ETV7: variants seen among roughly 807,000 people sequenced by gnomAD.
The protein encoded by ETV7 is ETS variant transcription factor 7, also known as transcription factor ETV7.
ETV7 carries 43 observed loss-of-function variants against 39.1 expected under a neutral mutation model. The observed-to-expected ratio is 1.10, with a 90% CI of 0.86 to 1.42. ETV7 has a LOEUF of 1.42. Ranked by LOEUF, ETV7 falls within the 40% of genes most tolerant of loss-of-function variation. The probability of loss-of-function intolerance (pLI) is 0.00; values close to 1 mark genes in which losing one functional copy is unlikely to be tolerated. For missense variants in ETV7, 432 were observed against 442.3 expected (o/e 0.98, Z 0.21); for synonymous variants, 196 against 176.6 (o/e 1.11, Z -0.87).
chr6:36,363,112 G>A (rs1014485107), downstream of ETV7, among the ~76,000 whole-genome samples: 14 of 152,234 alleles, frequency 9.2e-5, no homozygotes, highest in Non-Finnish European at 1.5e-4. Flanking sequence ...CAGGTATGCA[G>A]CTCTGGGGTG....
intron 2 of ETV7, among the ~76,000 whole-genome samples, chr6:36,379,054 C>T (rs538832522): frequency 3.0e-4 from 46 of 152,278 alleles, no homozygotes; most frequent in Admixed American, 1.5e-3. Context: ...CATGAGACGC[C>T]GAAAGCTGAC....
downstream of ETV7, among the ~76,000 whole-genome samples, chr6:36,362,623 G>A (rs1397187077): frequency 1.3e-5 from 2 of 152,186 alleles, no homozygotes; most frequent in Non-Finnish European, 2.9e-5. Flanking sequence ...AGGCCTAAAT[G>A]AACCCCCTTA....
In ETV7 at chr6:36,366,367, T is replaced by C; in HGVS notation, c.*278A>G. ...CATTTACAGGGGTGGGGCTGGGTGC[T>C]CTATCGGTGCCTGGCTTCCTCTCCC... is the stretch of plus-strand genomic sequence containing the variant. On this transcript the variant is annotated 3_prime_UTR_variant, in exon 8 of 8. Transcript: ENST00000340181. 8.0e-7 allele frequency: 1 copy of C among 1,254,560 alleles called. No homozygotes were observed. The highest frequency in any genetic ancestry group is 1.0e-6 in the Non-Finnish European group (1 of 992,864). 77.7% of individuals were successfully genotyped at this position (1,254,560 alleles called of 1,614,324 possible).
At chr6:36,380,395 C>T (rs1209028038) in intron 2 of ETV7, among the ~76,000 whole-genome samples, 1 of 152,216 alleles carries the variant, frequency 6.6e-6, no homozygotes, top group Non-Finnish European at 1.5e-5. Flanking sequence ...CCTCACTCTC[C>T]CGGCCCAGTG....
Position 36,366,471 on chromosome 6 carries a change from TG to T in ETV7, c.*173del, listed in dbSNP as rs1487148788. On this transcript the variant is annotated 3_prime_UTR_variant, in exon 8 of 8. Coordinates refer to ENST00000340181, the MANE Select transcript of ETV7 (RefSeq NM_016135.4). ...TGCCCTGCCCAAAAGATGACACTCC[TG>T]CCCCCAGTGTCCTGGATGGGAGGCC... 6.8e-7 allele frequency: 1 copy of T among 1,476,092 alleles called. No individual in the cohort carries two copies. Among genetic ancestry groups the T allele is most frequent in the Non-Finnish European group, 8.9e-7 (1 of 1,120,184 alleles). 91.4% of individuals were successfully genotyped at this position (1,476,092 alleles called of 1,614,324 possible).
intron 2 of ETV7, among the ~76,000 whole-genome samples, chr6:36,385,210 T>C (rs1429109528): frequency 6.6e-6 from 1 of 152,092 alleles, no homozygotes; most frequent in Admixed American, 6.6e-5. Context: ...GTATAGTGGT[T>C]CAGACCTGTA....
chr6:36,377,101 T>A (rs1197931949), intron 2 of ETV7, among the ~76,000 whole-genome samples: 1 of 152,198 alleles, frequency 6.6e-6, no homozygotes, highest in Admixed American at 6.5e-5. Flanking sequence ...AAGTTTTGGA[T>A]AGTGTTCAGC....
chr6:36,363,663 GC>G (rs539492596), downstream of ETV7, among the ~76,000 whole-genome samples: 693 of 152,294 alleles, frequency 4.6e-3, 8 homozygotes, highest in African/African-American at 0.016. Context: ...CTCTTATCTG[GC>G]CCCACCCACA....
intron 2 of ETV7, among the ~76,000 whole-genome samples, chr6:36,379,158 T>C (rs1582214663): frequency 6.6e-6 from 1 of 152,216 alleles, no homozygotes; most frequent in Admixed American, 6.5e-5. Context: ...GGCTAGGGTG[T>C]CAACCGCCAA....
Position 36,371,350 on chromosome 6 carries a change from G to A in ETV7, c.644C>T (p.Pro215Leu). ...VCSFPAMPQA[P>L]IDGRIADCRL... is the part of the protein sequence containing the mutation. ...CTCACCAGCGATCCTGCCGTCAATG[G>A]GGGCCTGCGGCATCGCGGGGAAGGA... Residue 215 changes from proline to leucine, a missense_variant, in exon 5 of 8, where the codon CCC (proline) becomes CTC (leucine). Transcript: ENST00000340181. 1 of 1,592,602 alleles carries A rather than the reference G, an allele frequency of 6.3e-7. No homozygotes were observed.
intron 3 of ETV7, 77 bp from the exon 4 acceptor site, chr6:36,373,655 C>T (rs903233283): frequency 1.4e-6 from 2 of 1,453,542 alleles, no homozygotes; most frequent in South Asian, 1.4e-5. Context: ...CCTGCAGCCA[C>T]CTGCCTCAGG....
intron 2 of ETV7, among the ~76,000 whole-genome samples, chr6:36,376,288 T>A (rs575631534): frequency 6.6e-6 from 1 of 152,392 alleles, no homozygotes; most frequent in South Asian, 2.1e-4. Context: ...TTATTGTTGG[T>A]ACCTCCCCAC....
chr6:36,355,187 T>C (rs1050378448), intron 7 of ETV7, among the ~76,000 whole-genome samples: 5 of 152,342 alleles, frequency 3.3e-5, no homozygotes, highest in Admixed American at 3.3e-4. Flanking sequence ...CATCTAGTCG[T>C]TCACCATTAA....
chr6:36,368,454 A>C (rs1245244761), intron 6 of ETV7, among the ~76,000 whole-genome samples: 1 of 152,196 alleles, frequency 6.6e-6, no homozygotes, highest in East Asian at 1.9e-4. Flanking sequence ...AAAAATAATT[A>C]TGAGGATATT....
intron 5 of ETV7, among the ~76,000 whole-genome samples, chr6:36,370,150 T>C (rs1772939933): frequency 6.6e-6 from 1 of 152,188 alleles, no homozygotes; most frequent in African/African-American, 2.4e-5. Context: ...CTCTGTGGCT[T>C]CATAGAATAA....
At chr6:36,382,902 C>T (rs1377332724) in intron 2 of ETV7, among the ~76,000 whole-genome samples, 3 of 152,162 alleles carry the variant, frequency 2.0e-5, no homozygotes, top group Admixed American at 6.5e-5. Flanking sequence ...GACGCAGGAC[C>T]GAGAAGTAAG....
chr6:36,365,707 A>G (rs555672777), downstream of ETV7, among the ~76,000 whole-genome samples: 3 of 152,286 alleles, frequency 2.0e-5, no homozygotes, highest in Admixed American at 2.0e-4. Context: ...ATCCACATAC[A>G]GTCAGAGGTG....
intron 2 of ETV7, among the ~76,000 whole-genome samples, chr6:36,379,549 TA>T (rs1217373362): frequency 1.3e-3 from 145 of 114,388 alleles, no homozygotes; most frequent in Non-Finnish European, 1.3e-3. Context: ...CCCTGTCTCT[TA>T]AAAAAAAAAA....
At chr6:36,356,686 G>A (rs142222755) in intron 7 of ETV7, among the ~76,000 whole-genome samples, 108 of 152,352 alleles carry the variant, frequency 7.1e-4, no homozygotes, top group African/African-American at 2.5e-3. Flanking sequence ...GGCCCAGCCT[G>A]GGCTACAGGG....
Sources: gnomAD v4.1 joint callset for allele counts (sites outside exome capture counted in the v4.1 genomes callset) on GRCh38, gnomAD v4.1.1 for gene constraint, MANE v1.5 for transcripts, NCBI Gene and HGNC (gene_info 2026-07-23, HGNC 2026-07-21) for gene names.